Variants in MYO16 observed in about 807,000 individuals in gnomAD.
MYO16 encodes the protein unconventional myosin-XVI.
MYO16 carries 94 observed loss-of-function variants against 205.3 expected under a neutral mutation model. That is an observed-to-expected ratio of 0.46 (90% CI 0.39 to 0.54). The LOEUF (loss-of-function observed/expected upper bound fraction) is 0.54. MYO16 is among the 20% of genes least tolerant of loss of function. MYO16 has a pLI of 0.00. For missense variants in MYO16, 2,315 were observed against 2,387.5 expected (o/e 0.97, Z 0.63); for synonymous variants, 988 against 954.0 (o/e 1.04, Z -0.66).
intron 4 of MYO16, among the ~76,000 whole-genome samples, chr13:108,757,138 C>A (rs757848351): frequency 1.3e-5 from 2 of 152,106 alleles, no homozygotes; most frequent in Non-Finnish European, 2.9e-5. Context: ...ACCTAGAGTG[C>A]AAAAGGCAAA....
At chr13:108,707,116 A>G (rs1718349355) in intron 2 of MYO16, among the ~76,000 whole-genome samples, 1 of 152,132 alleles carries the variant, frequency 6.6e-6, no homozygotes, top group Non-Finnish European at 1.5e-5. Flanking sequence ...TGAGCAGCTC[A>G]CTTGAATAAA....
chr13:109,038,562 G>T (rs933544706), intron 23 of MYO16, among the ~76,000 whole-genome samples: 1 of 152,006 alleles, frequency 6.6e-6, no homozygotes, highest in African/African-American at 2.4e-5. Flanking sequence ...ATGGCAGATT[G>T]TGGGACTTCT....
chr13:108,702,653 C>T lies in MYO16; in HGVS notation c.293-10008C>T, dbSNP rs1000768158. The stretch of plus-strand genomic sequence containing the variant: ...AGTAAATATAAAAAAACAGTATTGC[C>T]TATTTTTGTTACTCTAATTTTTAAT... On this transcript the variant is annotated intron_variant, in intron 2 of 34. Transcript: ENST00000457511. 1.2e-4 allele frequency among the ~76,000 whole-genome samples: 19 copies of T among 152,080 alleles called. No homozygotes were observed. In the East Asian group the frequency reaches 3.5e-3, roughly 28 times the overall value.
intron 23 of MYO16, among the ~76,000 whole-genome samples, chr13:109,025,895 G>C (rs891755979): frequency 5.3e-5 from 8 of 152,208 alleles, no homozygotes; most frequent in Admixed American, 2.0e-4. Flanking sequence ...TAGGTCAAAA[G>C]TAATAGTTAT....
intron 22 of MYO16, among the ~76,000 whole-genome samples, chr13:109,018,560 G>T (rs576014685): frequency 2.0e-5 from 3 of 152,322 alleles, no homozygotes; most frequent in African/African-American, 7.2e-5. Context: ...AGAAGTTTCT[G>T]CCGCCTTGCA....
Position 109,100,863 on chromosome 13 carries a change from G to A in MYO16, c.3414G>A (p.Gln1138=). The A allele has an allele frequency of 6.2e-7, 1 of 1,613,504 alleles. No homozygotes were observed. Residue 1138 remains glutamine (Q), a synonymous_variant, in exon 28 of 35, where the codon CAG becomes CAA. Transcript: ENST00000457511. ...CCGAGCGATGTCGACTTGTTCTCCA[G>A]CAGTGTAAATTACAAGGCTGGCAGG... ...SAAERCRLVL[Q]QCKLQGWQMG... is the part of the protein sequence containing the mutation.
the MYO16 span, among the ~76,000 whole-genome samples, chr13:108,541,032 G>A: frequency 1.3e-5 from 2 of 152,118 alleles, no homozygotes; most frequent in Admixed American, 6.6e-5. Context: ...CGGAATGAAC[G>A]TTGTTTTCAT....
At chr13:109,022,388 T>C (rs1337634043) in intron 23 of MYO16, among the ~76,000 whole-genome samples, 1 of 46,996 alleles carries the variant, frequency 2.1e-5, no homozygotes, top group African/African-American at 6.8e-5. Context: ...TATACAAATA[T>C]ACATATATGT....
chr13:109,152,577 G>A (rs577823879), intron 32 of MYO16, among the ~76,000 whole-genome samples: 6 of 152,236 alleles, frequency 3.9e-5, no homozygotes, highest in South Asian at 2.1e-4. Flanking sequence ...TCATAAAAAC[G>A]TCTTTTTAAT....
chr13:108,971,165 A>G (rs1048824220), intron 20 of MYO16, among the ~76,000 whole-genome samples: 3 of 152,162 alleles, frequency 2.0e-5, no homozygotes, highest in Non-Finnish European at 2.9e-5. Context: ...GTTAAATTCA[A>G]TGTTAAATTT....
rs1877065798 is a variant in MYO16 at position 109,141,107 on chromosome 13, G to A, written c.4895G>A (p.Ser1632Asn). 2 of 1,540,938 alleles carry A rather than the reference G, an allele frequency of 1.3e-6. No homozygotes were observed. The highest frequency in any genetic ancestry group is 1.7e-6 in the Non-Finnish European group (2 of 1,147,092). Residue 1632 changes from serine (S) to asparagine (N), a missense_variant, in exon 32 of 35, where the codon AGC becomes AAC. Ser to Asn is a conservative substitution (Grantham distance 46). Transcript: ENST00000457511. The surrounding 1 kb of genome is among the most constrained non-coding windows in gnomAD (Gnocchi z 4.1). ...GTGAACGCGGGGAAAGCGGGGCCGA[G>A]CGCAGAGGCGCCCAAGGTTCACCCA... is the stretch of plus-strand genomic sequence containing the variant. ...APVNAGKAGP[S>N]AEAPKVHPKP...
At chr13:108,923,936 G>A (rs375187713) in intron 16 of MYO16, among the ~76,000 whole-genome samples, 1 of 152,148 alleles carries the variant, frequency 6.6e-6, no homozygotes, top group African/African-American at 2.4e-5. Context: ...TTGTTGTATA[G>A]GCCGTTACAT....
At chr13:108,718,873 C>T (rs1884051560) in intron 3 of MYO16, among the ~76,000 whole-genome samples, 1 of 152,008 alleles carries the variant, frequency 6.6e-6, no homozygotes, top group African/African-American at 2.4e-5. Flanking sequence ...CCTTGACCTG[C>T]CTGCGGATGT....
At chr13:108,585,518 A>AAC in the MYO16 span, among the ~76,000 whole-genome samples, 1 of 152,186 alleles carries the variant, frequency 6.6e-6, no homozygotes, top group African/African-American at 2.4e-5. Context: ...ATCAGACTTA[A>AAC]ACGGGTGCCT....
intron 2 of MYO16, among the ~76,000 whole-genome samples, chr13:108,705,380 C>T (rs551284585): frequency 3.3e-5 from 5 of 152,284 alleles, no homozygotes; most frequent in South Asian, 2.1e-4. Flanking sequence ...TGCAACATCG[C>T]GGTGTCTATG....
chr13:108,916,435 A>G (rs1437552439), intron 16 of MYO16, among the ~76,000 whole-genome samples: 2 of 152,236 alleles, frequency 1.3e-5, no homozygotes, highest in Non-Finnish European at 2.9e-5. Flanking sequence ...TACTGTCTTT[A>G]TCTCCTCGTG....
At chr13:108,682,504 C>T (rs1218575076) in intron 2 of MYO16, among the ~76,000 whole-genome samples, 1 of 151,972 alleles carries the variant, frequency 6.6e-6, no homozygotes, top group Non-Finnish European at 1.5e-5. Context: ...CTCCACACAT[C>T]AATCAAGATT....
chr13:108,809,202 G>A (rs1006496204), intron 7 of MYO16, among the ~76,000 whole-genome samples: 5 of 152,146 alleles, frequency 3.3e-5, no homozygotes, highest in Non-Finnish European at 5.9e-5. Context: ...TGATAAGTCA[G>A]TTAAGAAACA....
chr13:108,565,662 C>T, the MYO16 span, among the ~76,000 whole-genome samples: 34 of 152,154 alleles, frequency 2.2e-4, no homozygotes, highest in Middle Eastern at 6.8e-3. Context: ...AATTTTGATA[C>T]GCTTTATATC....
Sources: gnomAD v4.1 joint callset for allele counts (sites outside exome capture counted in the v4.1 genomes callset) on GRCh38, gnomAD v4.1.1 for gene constraint, Gnocchi (gnomAD v3.1) non-coding constraint, MANE v1.5 for transcripts, NCBI Gene and HGNC (gene_info 2026-07-23, HGNC 2026-07-21) for gene names.